Variants in XKR9 observed in about 807,000 individuals in gnomAD.
XKR9 encodes XK related 9.
XKR9 carries 32 observed loss-of-function variants against 32.0 expected under a neutral mutation model. That is an observed-to-expected ratio of 1.00 (90% CI 0.76 to 1.34). The LOEUF (loss-of-function observed/expected upper bound fraction) is 1.34, where lower values mean the gene tolerates loss of function less well. XKR9 is among the 40% of genes most tolerant of loss of function. The probability of loss-of-function intolerance (pLI) is 0.00; values close to 1 mark genes in which losing one functional copy is unlikely to be tolerated. For missense variants in XKR9, 546 were observed against 429.7 expected (o/e 1.27, Z -2.39); for synonymous variants, 168 against 143.4 (o/e 1.17, Z -1.22).
chr8:70,789,416 C>G (rs572205259), exon 3 of XKR9: 1 of 152,052 alleles, frequency 6.6e-6, no homozygotes, highest in Non-Finnish European at 1.5e-5. Context: ...GATAACTGCA[C>G]AATCATCAAT....
the XKR9 span, among the ~76,000 whole-genome samples, chr8:70,880,430 G>C: frequency 6.6e-6 from 1 of 152,166 alleles, no homozygotes. Context: ...CAAAGTGTCA[G>C]GATGCAAATC....
the XKR9 span, among the ~76,000 whole-genome samples, chr8:71,040,657 T>C: frequency 6.6e-6 from 1 of 152,196 alleles, no homozygotes; most frequent in South Asian, 2.1e-4. Context: ...TCATTATTAT[T>C]ATTTTTGTCC....
the XKR9 span, among the ~76,000 whole-genome samples, chr8:71,053,177 A>G: frequency 6.6e-6 from 1 of 152,154 alleles, no homozygotes; most frequent in Non-Finnish European, 1.5e-5. Flanking sequence ...CTAAACAATA[A>G]CCATTTTAGG....
the XKR9 span, among the ~76,000 whole-genome samples, chr8:71,041,558 G>A: frequency 1.3e-5 from 2 of 152,076 alleles, no homozygotes; most frequent in Non-Finnish European, 2.9e-5. Flanking sequence ...ATATGGTTTG[G>A]CTCTGTGTCC....
the XKR9 span, among the ~76,000 whole-genome samples, chr8:70,830,606 A>G: frequency 3.3e-5 from 5 of 152,078 alleles, no homozygotes; most frequent in African/African-American, 1.2e-4. Flanking sequence ...AACATTAGTC[A>G]CTTACTCTTA....
At chr8:70,914,562 A>G in the XKR9 span, among the ~76,000 whole-genome samples, 3 of 151,988 alleles carry the variant, frequency 2.0e-5, no homozygotes, top group African/African-American at 4.8e-5. Flanking sequence ...CATTTTTTCT[A>G]TTGTATTGTT....
chr8:70,701,989 AG>A (rs1364315770), intron 3 of XKR9, among the ~76,000 whole-genome samples: 1 of 152,160 alleles, frequency 6.6e-6, no homozygotes, highest in Non-Finnish European at 1.5e-5. Flanking sequence ...TGCTCTTTTT[AG>A]TACATATAAA....
the XKR9 span, among the ~76,000 whole-genome samples, chr8:70,907,375 T>G: frequency 6.6e-6 from 1 of 152,192 alleles, no homozygotes; most frequent in Admixed American, 6.5e-5. Flanking sequence ...ACACTTCCTA[T>G]TTTACATGGC....
chr8:70,742,007 G>A (rs1806993404), intron 2 of XKR9, among the ~76,000 whole-genome samples: 1 of 150,990 alleles, frequency 6.6e-6, no homozygotes, highest in Non-Finnish European at 1.5e-5. Context: ...TAATGAATAT[G>A]AGATGATATT....
In XKR9 at chr8:70,735,136, C is replaced by T. The variant is rs187716372; in HGVS notation, c.*712C>T. The T allele has an allele frequency of 3.9e-5, 6 of 152,100 alleles. No individual in the cohort carries two copies. The East Asian group carries it at 1.2e-3, about 29-fold the overall frequency. The allele number at this position is 152,100 out of a possible 1,614,324, so 9.4% of individuals were successfully genotyped here. ...GGTAAAAACATATAAAATTTACCATCTTAATCACTTTGAGTGTACAGTTCA... is the reference window on the plus strand; with the variant it reads ...GGTAAAAACATATAAAATTTACCATTTTAATCACTTTGAGTGTACAGTTCA... On this transcript the variant is annotated 3_prime_UTR_variant, in exon 5 of 5. Coordinates refer to ENST00000408926, the MANE Select transcript of XKR9 (RefSeq NM_001011720.2).
chr8:70,870,910 C>T, the XKR9 span, among the ~76,000 whole-genome samples: 3 of 152,114 alleles, frequency 2.0e-5, no homozygotes, highest in Admixed American at 6.6e-5. Flanking sequence ...ACTGTTTGTT[C>T]ACAACAGTAG....
At chr8:71,029,274 T>C in the XKR9 span, among the ~76,000 whole-genome samples, 1 of 152,210 alleles carries the variant, frequency 6.6e-6, no homozygotes, top group Non-Finnish European at 1.5e-5. Flanking sequence ...ATGGAACAAA[T>C]GTTTCAACTA....
chr8:70,944,250 A>G, the XKR9 span, among the ~76,000 whole-genome samples: 1 of 152,226 alleles, frequency 6.6e-6, no homozygotes, highest in Non-Finnish European at 1.5e-5. Flanking sequence ...ATCCATCTTT[A>G]TAAGCAATTG....
At chr8:70,878,969 T>C in the XKR9 span, among the ~76,000 whole-genome samples, 3 of 152,172 alleles carry the variant, frequency 2.0e-5, no homozygotes, top group Non-Finnish European at 4.4e-5. Context: ...CAGACCACAG[T>C]ACAATCAAAC....
At chr8:70,966,571 T>C in the XKR9 span, among the ~76,000 whole-genome samples, 1 of 152,248 alleles carries the variant, frequency 6.6e-6, no homozygotes, top group Non-Finnish European at 1.5e-5. Context: ...CATGTGGCAA[T>C]GAGAAGAATG....
chr8:71,019,274 A>T, the XKR9 span, among the ~76,000 whole-genome samples: 1 of 152,188 alleles, frequency 6.6e-6, no homozygotes, highest in Non-Finnish European at 1.5e-5. Flanking sequence ...CTTGGAAATG[A>T]TTTAGCGTTG....
At chr8:70,857,206 A>C in the XKR9 span, among the ~76,000 whole-genome samples, 2 of 152,326 alleles carry the variant, frequency 1.3e-5, no homozygotes, top group Admixed American at 1.3e-4. Context: ...GAAAAGATCA[A>C]CAAAATTGAT....
At chr8:70,836,103 C>A in the XKR9 span, among the ~76,000 whole-genome samples, 2 of 151,928 alleles carry the variant, frequency 1.3e-5, no homozygotes, top group Non-Finnish European at 2.9e-5. Context: ...TGGTGCATTT[C>A]AAAATTTTTT....
At chr8:70,831,155 G>A in the XKR9 span, among the ~76,000 whole-genome samples, 1 of 152,152 alleles carries the variant, frequency 6.6e-6, no homozygotes, top group South Asian at 2.1e-4. Flanking sequence ...GCCGGATGTG[G>A]TGGTGGTCGC....
Sources: allele counts gnomAD v4.1 joint callset (sites outside exome capture counted in the v4.1 genomes callset), GRCh38; gene constraint gnomAD v4.1.1; transcripts MANE v1.5; gene names NCBI Gene and HGNC (gene_info 2026-07-23, HGNC 2026-07-21).